Variants in SUGT1 observed in about 807,000 individuals in gnomAD.
The protein encoded by SUGT1 is protein SGT1 homolog.
Under a neutral mutation model 56.1 loss-of-function variants are expected in SUGT1, and 15 were observed. The ratio of observed to expected loss-of-function variants is 0.27; its 90% CI spans 0.18 to 0.41. The LOEUF (loss-of-function observed/expected upper bound fraction) is 0.41. Among genes scored for constraint, SUGT1 ranks in the 10% least tolerant of loss-of-function variants. The probability of loss-of-function intolerance (pLI) is 1.00; values close to 1 mark genes in which losing one functional copy is unlikely to be tolerated. For missense variants in SUGT1, 347 were observed against 382.2 expected (o/e 0.91, Z 0.77); for synonymous variants, 123 against 128.6 (o/e 0.96, Z 0.30).
intron 3 of SUGT1, among the ~76,000 whole-genome samples, chr13:52,657,946 G>T (rs1962245625): frequency 1.3e-5 from 2 of 152,186 alleles, no homozygotes; most frequent in Admixed American, 1.3e-4. Context: ...ATGTGGCCAG[G>T]CATGGTGGCT....
Position 52,689,053 on chromosome 13 carries a change from A to C in SUGT1, c.*1218A>C, listed in dbSNP as rs894159628. 1 of 152,178 alleles carries C rather than the reference A, an allele frequency of 6.6e-6. No individual in the cohort carries two copies. The highest frequency in any genetic ancestry group is 1.5e-5 in the Non-Finnish European group (1 of 68,062). 9.4% of individuals were successfully genotyped at this position (152,178 alleles called of 1,614,324 possible). A position where few individuals can be genotyped will look rare whatever the true frequency, so the allele number is the denominator to read the frequency against. ...CATTTTTATGGCAAAGCACTACTCT[A>C]TACCCTCAGAGCAGGGGGAGTGGGA... On this transcript the variant is annotated 3_prime_UTR_variant, in exon 13 of 13. Coordinates refer to ENST00000310528, the MANE Select transcript of SUGT1 (RefSeq NM_006704.5).
intron 10 of SUGT1, among the ~76,000 whole-genome samples, chr13:52,668,915 A>G (rs1007702857): frequency 6.6e-6 from 1 of 152,148 alleles, no homozygotes; most frequent in Non-Finnish European, 1.5e-5. Flanking sequence ...TGACTTAAGA[A>G]CTTGTATTAC....
In SUGT1 at chr13:52,698,142, G is replaced by C. The variant is rs1393540434; in HGVS notation, c.*10307G>C. On this transcript the variant is annotated 3_prime_UTR_variant, in exon 13 of 13. Transcript: ENST00000310528. ...TTTTATTTTAGAGTTGTTAAAATCA[G>C]ATCAACAGAGCATGTTTTTATGGGC... 1 of 152,170 alleles carries C rather than the reference G, an allele frequency of 6.6e-6. No individual in the cohort carries two copies. The highest frequency in any genetic ancestry group is 2.4e-5 in the African/African-American group (1 of 41,438). 9.4% of individuals were successfully genotyped at this position (152,170 alleles called of 1,614,324 possible). A position where few individuals can be genotyped will look rare whatever the true frequency, so the allele number is the denominator to read the frequency against.
chr13:52,676,464 A>G (rs1963147532), intron 11 of SUGT1, 144 bp downstream of exon 11: 1 of 652,468 alleles, frequency 1.5e-6, no homozygotes, highest in South Asian at 4.3e-5. Flanking sequence ...TCCGTAATGA[A>G]TATAAAGTAG....
chr13:52,662,754 T>A, intron 6 of SUGT1, 52 bp downstream of exon 6: 1 of 1,572,368 alleles, frequency 6.4e-7, no homozygotes, highest in Non-Finnish European at 8.6e-7. Flanking sequence ...AGTAAACATC[T>A]GAAATTTTTT....
At chr13:52,685,030 G>C (rs1250485269) in intron 12 of SUGT1, among the ~76,000 whole-genome samples, 1 of 150,796 alleles carries the variant, frequency 6.6e-6, no homozygotes, top group Non-Finnish European at 1.5e-5. Context: ...TGAGTCCCAA[G>C]GTCCCTGGTA....
At chr13:52,654,058 A>G (rs1052234550) in intron 2 of SUGT1, among the ~76,000 whole-genome samples, 1 of 152,230 alleles carries the variant, frequency 6.6e-6, no homozygotes, top group Non-Finnish European at 1.5e-5. Flanking sequence ...ATCTTGAGGT[A>G]GGAATGAAGT....
rs1594261627 is a variant in SUGT1 at position 52,687,596 on chromosome 13, A to G, written c.901-138A>G. The G allele has an allele frequency of 1.1e-5, 5 of 448,858 alleles. No homozygotes were observed. The East Asian group carries it at 1.8e-4, about 16-fold the overall frequency. 27.8% of individuals were successfully genotyped at this position (448,858 alleles called of 1,614,324 possible). On this transcript the variant is annotated intron_variant, in intron 12 of 12. Transcript: ENST00000310528. ...ATATTTTATCTGTATAATCTATTATATATGTATTGCATAGAGTTTATATTG... is the reference window on the plus strand; with the variant it reads ...ATATTTTATCTGTATAATCTATTATGTATGTATTGCATAGAGTTTATATTG...
chr13:52,662,362 C>T (rs1247447296), intron 5 of SUGT1, among the ~76,000 whole-genome samples: 2 of 151,976 alleles, frequency 1.3e-5, no homozygotes, highest in Admixed American at 6.6e-5. Context: ...CTAAGAGCAG[C>T]GGGATTGGGG....
intron 11 of SUGT1, among the ~76,000 whole-genome samples, chr13:52,676,916 ATG>A (rs1963168243): frequency 6.6e-6 from 1 of 152,170 alleles, no homozygotes; most frequent in South Asian, 2.1e-4. Flanking sequence ...AATTTTAAGT[ATG>A]TGCAATAACT....
Position 52,700,836 on chromosome 13 carries a change from A to G in SUGT1, c.*13001A>G, listed in dbSNP as rs994436893. On this transcript the variant is annotated 3_prime_UTR_variant, in exon 13 of 13. Coordinates refer to ENST00000310528, the MANE Select transcript of SUGT1 (RefSeq NM_006704.5). ...CTTATACAGAAATAAAATTAAGTCAATCCACTCACAAAGAATTTCTATTTT... is the reference window on the plus strand; with the variant it reads ...CTTATACAGAAATAAAATTAAGTCAGTCCACTCACAAAGAATTTCTATTTT... 8 of 152,348 alleles carry G rather than the reference A, an allele frequency of 5.3e-5. No homozygotes were observed. Among genetic ancestry groups the G allele is most frequent in the South Asian group, 2.1e-4 (1 of 4,832 alleles). 9.4% of individuals were successfully genotyped at this position (152,348 alleles called of 1,614,324 possible). A position where few individuals can be genotyped will look rare whatever the true frequency, so the allele number is the denominator to read the frequency against.
At chr13:52,674,053 C>T (rs373533664) in intron 10 of SUGT1, among the ~76,000 whole-genome samples, 39 of 107,942 alleles carry the variant, frequency 3.6e-4, no homozygotes, top group African/African-American at 5.5e-4. Flanking sequence ...AGATAGTATA[C>T]TTTTTTTTTT....
At chr13:52,677,921 A>T (rs982402957) in intron 11 of SUGT1, among the ~76,000 whole-genome samples, 2 of 152,124 alleles carry the variant, frequency 1.3e-5, no homozygotes, top group African/African-American at 4.8e-5. Context: ...TACAGTTACC[A>T]TGTTTTTTCT....
At position 52,659,255 on chromosome 13, in the gene SUGT1, TA is replaced by T; in HGVS notation, c.328+7del. 1 of 1,428,080 alleles carries T rather than the reference TA, an allele frequency of 7.0e-7. No homozygotes were observed. The highest frequency in any genetic ancestry group is 9.3e-7 in the Non-Finnish European group (1 of 1,073,958). The allele number at this position is 1,428,080 out of a possible 1,614,324, so 88.5% of individuals were successfully genotyped here. A position where few individuals can be genotyped will look rare whatever the true frequency, so the allele number is the denominator to read the frequency against. On this transcript the variant is annotated splice_region_variant and intron_variant, in intron 5 of 12. Transcript: ENST00000310528. The stretch of plus-strand genomic sequence containing the variant: ...AGAAGGACAAAAATTAGATAGTAAG[TA>T]TTAAAAATTATACTTTAATAAACTT...
chr13:52,658,033 G>A, intron 3 of SUGT1: 1 of 1,127,392 alleles, frequency 8.9e-7, no homozygotes, highest in South Asian at 1.8e-5. Flanking sequence ...ACCAGCCTGG[G>A]CAACATAACA....
intron 10 of SUGT1, among the ~76,000 whole-genome samples, chr13:52,667,769 A>G (rs1962774332): frequency 1.3e-5 from 2 of 152,150 alleles, no homozygotes; most frequent in African/African-American, 4.8e-5. Context: ...CTGAAAATTT[A>G]AAAATCTGAC....
intron 12 of SUGT1, among the ~76,000 whole-genome samples, chr13:52,682,949 C>T (rs1041760769): frequency 6.6e-6 from 1 of 152,102 alleles, no homozygotes; most frequent in African/African-American, 2.4e-5. Context: ...ATCTTGTATT[C>T]TGTGACATTG....
intron 10 of SUGT1, among the ~76,000 whole-genome samples, chr13:52,670,420 T>C (rs938106001): frequency 1.3e-5 from 2 of 152,228 alleles, no homozygotes; most frequent in African/African-American, 4.8e-5. Flanking sequence ...TTCATGACAC[T>C]ATTCTCTGGT....
rs1189281645 is a variant in SUGT1 at position 52,693,626 on chromosome 13, C to T, written c.*5791C>T. 6.6e-6 allele frequency: 1 copy of T among 151,582 alleles called. No homozygotes were observed. Among genetic ancestry groups the T allele is most frequent in the East Asian group, 1.9e-4 (1 of 5,192 alleles). The allele number at this position is 151,582 out of a possible 1,614,324, so 9.4% of individuals were successfully genotyped here. On this transcript the variant is annotated 3_prime_UTR_variant, in exon 13 of 13. Transcript: ENST00000310528. ...GTCTATGTAAAGGAGATAATAGGAT[C>T]CCCCTCATGCCTCATGGTCTTAGTT... is the stretch of plus-strand genomic sequence containing the variant.
Sources: allele counts gnomAD v4.1 joint callset (sites outside exome capture counted in the v4.1 genomes callset), GRCh38; gene constraint gnomAD v4.1.1; transcripts MANE v1.5; gene names NCBI Gene and HGNC (gene_info 2026-07-23, HGNC 2026-07-21).